The following PRKCH variants were observed in gnomAD, a reference collection of about 807,000 sequenced individuals.
PRKCH encodes protein kinase C eta, also known as protein kinase C eta type.
In PRKCH, 28 loss-of-function variants were observed where a neutral mutation model predicts 82.5. The observed-to-expected ratio is 0.34, with a 90% confidence interval of 0.25 to 0.47. The LOEUF is 0.47. Ranked by LOEUF, PRKCH falls within the 20% of genes least tolerant of loss-of-function variation. The probability of loss-of-function intolerance (pLI) is 1.00; values close to 1 mark genes in which losing one functional copy is unlikely to be tolerated. For synonymous variants in PRKCH, 322 were observed against 327.4 expected, an observed-to-expected ratio of 0.98 and a Z score of 0.18; for missense variants, 705 against 881.8, an observed-to-expected ratio of 0.80 and a Z score of 2.54.
chr14:61,392,386 G>A (rs1262017471), intron 2 of PRKCH, among the ~76,000 whole-genome samples: 1 of 152,122 alleles, frequency 6.6e-6, no homozygotes, highest in East Asian at 1.9e-4. Context: ...ATGCATGAGA[G>A]TTCCAATTAC....
intron 1 of PRKCH, among the ~76,000 whole-genome samples, chr14:61,350,721 C>T (rs1478160457): frequency 6.6e-6 from 1 of 152,142 alleles, no homozygotes; most frequent in Non-Finnish European, 1.5e-5. Context: ...GGGGCAGGAT[C>T]GGTGCATGTA....
intron 1 of PRKCH, among the ~76,000 whole-genome samples, chr14:61,249,313 G>A (rs1424643784): frequency 6.6e-6 from 1 of 152,162 alleles, no homozygotes; most frequent in African/African-American, 2.4e-5. Flanking sequence ...GGGACACAGC[G>A]CCCTTCTCTA....
At chr14:61,358,397 T>A (rs2046179325) in intron 1 of PRKCH, among the ~76,000 whole-genome samples, 1 of 152,186 alleles carries the variant, frequency 6.6e-6, no homozygotes, top group Admixed American at 6.5e-5. Context: ...AATGCCTGTT[T>A]TCTTTAGCTT....
At chr14:61,418,776 C>G (rs534931721) in intron 2 of PRKCH, among the ~76,000 whole-genome samples, 1 of 152,180 alleles carries the variant, frequency 6.6e-6, no homozygotes, top group Non-Finnish European at 1.5e-5. Flanking sequence ...AATTCTGAAG[C>G]CTGGGCCATT....
chr14:61,260,240 G>A (rs1318459280), intron 1 of PRKCH, among the ~76,000 whole-genome samples: 1 of 152,182 alleles, frequency 6.6e-6, no homozygotes, highest in Non-Finnish European at 1.5e-5. Flanking sequence ...GATATTTGAA[G>A]TTTAATATGT....
At chr14:61,329,278 C>T (rs1294457884) in intron 1 of PRKCH, among the ~76,000 whole-genome samples, 1 of 112,244 alleles carries the variant, frequency 8.9e-6, no homozygotes, top group Non-Finnish European at 1.7e-5. Context: ...TCTCTGTTGC[C>T]CAGGCTGGAG....
At chr14:61,488,540 G>T (rs1886326237) in intron 10 of PRKCH, among the ~76,000 whole-genome samples, 1 of 152,190 alleles carries the variant, frequency 6.6e-6, no homozygotes, top group African/African-American at 2.4e-5. Context: ...GGGCTACACT[G>T]TCTTCTCAGG....
rs113889807 is a variant in PRKCH at position 61,321,831 on chromosome 14, C to T, written c.-271C>T. 2.8e-5 allele frequency: 10 copies of T among 357,404 alleles called. No individual in the cohort carries two copies. The highest frequency in any genetic ancestry group is 2.6e-4 in the Admixed American group (6 of 23,278). 22.1% of individuals were successfully genotyped at this position (357,404 alleles called of 1,614,324 possible). ...TCCTGCGCGAGTCCCCGGGAGGCGCCGCGCGCTTGGAAGGGACGGTCGGGC... is the reference window on the plus strand; with the variant it reads ...TCCTGCGCGAGTCCCCGGGAGGCGCTGCGCGCTTGGAAGGGACGGTCGGGC... On this transcript the variant is annotated 5_prime_UTR_variant, in exon 1 of 14. Transcript: ENST00000332981. This position sits in a 1 kb window ranked among gnomAD's most constrained non-coding sequence, Gnocchi z 4.1.
chr14:61,528,182 A>ACACACACACACACACACACACACAC (rs1566929556), intron 10 of PRKCH: 1 of 151,094 alleles, frequency 6.6e-6, no homozygotes, highest in Non-Finnish European at 1.5e-5. Context: ...ACACACACAC[A>ACACACACACACACACACACACACAC]AAGTATTTCT....
intron 4 of PRKCH, 97 bp from the exon 5 acceptor site, chr14:61,449,067 A>T: frequency 8.9e-7 from 1 of 1,119,882 alleles, no homozygotes; most frequent in Non-Finnish European, 1.3e-6. Flanking sequence ...AGACGAGTCC[A>T]GTCTTGTTGG....
chr14:61,282,182 T>C (rs982038405), intron 1 of PRKCH, among the ~76,000 whole-genome samples: 3 of 151,950 alleles, frequency 2.0e-5, no homozygotes, highest in Non-Finnish European at 4.4e-5. Flanking sequence ...ATCTGGAGTG[T>C]CTGGCCTAAG....
intron 9 of PRKCH, among the ~76,000 whole-genome samples, chr14:61,474,437 G>A (rs917402335): frequency 6.6e-6 from 1 of 152,052 alleles, no homozygotes; most frequent in Non-Finnish European, 1.5e-5. Flanking sequence ...ATTGACAGTG[G>A]AGATCAATAT....
In PRKCH at chr14:61,244,653, CAG is replaced by C. The variant is rs1348488060; in HGVS notation, c.-19+56988_-19+56989del. Among the ~76,000 whole-genome samples, 3 of 152,162 alleles carry C rather than the reference CAG, an allele frequency of 2.0e-5. No homozygotes were observed. The East Asian group carries it at 5.8e-4, about 29-fold the overall frequency. On this transcript the variant is annotated intron_variant, in intron 1 of 3. Transcript: ENST00000555185. ...ACACACCGCTGGTCCTGGAATAACT[CAG>C]AGGTTTAGTGGACTCTGGAGCCACA...
chr14:61,432,821 A>G (rs1026670851), intron 2 of PRKCH, among the ~76,000 whole-genome samples: 2 of 150,792 alleles, frequency 1.3e-5, no homozygotes, highest in Admixed American at 1.3e-4. Context: ...TGATCCTCCC[A>G]CTTCAGCCTC....
intron 2 of PRKCH, among the ~76,000 whole-genome samples, chr14:61,437,681 A>C (rs1474064238): frequency 6.6e-6 from 1 of 152,090 alleles, no homozygotes; most frequent in Non-Finnish European, 1.5e-5. Flanking sequence ...GGTGTGTGGA[A>C]GATTTTAGTG....
At chr14:61,357,283 C>A (rs2046163313) in intron 1 of PRKCH, among the ~76,000 whole-genome samples, 2 of 152,234 alleles carry the variant, frequency 1.3e-5, no homozygotes, top group Admixed American at 1.3e-4. Flanking sequence ...GGCCTCTCCA[C>A]CCGCCTCACT....
chr14:61,463,679 G>A (rs1885128028), intron 9 of PRKCH, among the ~76,000 whole-genome samples: 1 of 152,088 alleles, frequency 6.6e-6, no homozygotes, highest in African/African-American at 2.4e-5. Flanking sequence ...TATTCATAAA[G>A]ATGTTTAATT....
intron 1 of PRKCH, among the ~76,000 whole-genome samples, chr14:61,358,507 C>T (rs1566837083): frequency 6.6e-6 from 1 of 152,130 alleles, no homozygotes; most frequent in African/African-American, 2.4e-5. Flanking sequence ...TTCCCATTAC[C>T]ACTACCTGTG....
rs1207050122 is a variant in PRKCH at position 61,541,227 on chromosome 14, C to G, written c.1762-6516C>G. Among the ~76,000 whole-genome samples the G allele has an allele frequency of 2.0e-5, 3 of 152,256 alleles. No individual in the cohort carries two copies. The East Asian group carries it at 5.8e-4, about 29-fold the overall frequency. On this transcript the variant is annotated intron_variant, in intron 12 of 13. Transcript: ENST00000332981. Reference sequence around the variant, plus strand: ...AGAAGGTTGGTCTTCATAACTGGGTCAGAATCTGCGTGTGCCAGCAGCATC... The same window carrying G: ...AGAAGGTTGGTCTTCATAACTGGGTGAGAATCTGCGTGTGCCAGCAGCATC...
Sources: allele counts gnomAD v4.1 joint callset (sites outside exome capture counted in the v4.1 genomes callset), GRCh38; gene constraint gnomAD v4.1.1; non-coding constraint Gnocchi (gnomAD v3.1); transcripts MANE v1.5; gene names NCBI Gene and HGNC (gene_info 2026-07-23, HGNC 2026-07-21).